Variants in SLC25A26 observed in about 807,000 individuals in gnomAD.
SLC25A26 encodes mitochondrial S-adenosylmethionine carrier protein.
SLC25A26 carries 36 observed loss-of-function variants against 37.8 expected under a neutral mutation model. That is an observed-to-expected ratio of 0.95 (90% CI 0.73 to 1.26). The LOEUF is 1.26. SLC25A26 is among the 50% of genes most tolerant of loss of function. The pLI is 0.00. For synonymous variants in SLC25A26, 129 were observed against 122.5 expected (o/e 1.05, Z -0.35); for missense variants, 390 against 331.1 (o/e 1.18, Z -1.38).
At chr3:66,251,238 G>C (rs2073072157) in intron 3 of SLC25A26, among the ~76,000 whole-genome samples, 1 of 152,120 alleles carries the variant, frequency 6.6e-6, no homozygotes, top group Non-Finnish European at 1.5e-5. Flanking sequence ...TTTTAAGAAA[G>C]TCCCCTGGCA....
At chr3:66,346,532 A>C (rs534679257) in intron 6 of SLC25A26, 124 bp downstream of exon 6, 2 of 483,258 alleles carry the variant, frequency 4.1e-6, no homozygotes, top group South Asian at 1.2e-4. Flanking sequence ...TAGCAGTTGA[A>C]AATATATTTT....
intron 1 of SLC25A26, among the ~76,000 whole-genome samples, chr3:66,206,672 T>C (rs1158325866): frequency 2.6e-5 from 4 of 151,908 alleles, no homozygotes; most frequent in African/African-American, 4.8e-5. Context: ...AGTTAACATA[T>C]TTGCATCGCT....
intron 1 of SLC25A26, among the ~76,000 whole-genome samples, chr3:66,206,895 T>TC (rs1491203663): frequency 7.4e-4 from 76 of 102,912 alleles, no homozygotes; most frequent in East Asian, 1.3e-3. Flanking sequence ...TCTTTCTTTC[T>TC]TTTTTTTTTT....
intron 5 of SLC25A26, among the ~76,000 whole-genome samples, chr3:66,335,318 A>C (rs1441793510): frequency 6.6e-6 from 1 of 152,236 alleles, no homozygotes; most frequent in African/African-American, 2.4e-5. Context: ...GTGACTTTAC[A>C]GAGTTGGGAA....
upstream of SLC25A26, among the ~76,000 whole-genome samples, chr3:66,218,471 G>T (rs1281816219): frequency 2.0e-5 from 3 of 152,182 alleles, no homozygotes; most frequent in Non-Finnish European, 4.4e-5. Context: ...ACTCTAGTGA[G>T]TTCTAGTGTA....
intron 1 of SLC25A26, among the ~76,000 whole-genome samples, chr3:66,209,898 T>TTATTTA (rs2071256959): frequency 5.7e-4 from 22 of 38,612 alleles, no homozygotes; most frequent in South Asian, 1.2e-3. Context: ...CTCTCTCTAT[T>TTATTTA]TATATATATA....
At chr3:66,376,067 AAATGG>A in intron 9 of SLC25A26, among the ~76,000 whole-genome samples, 1 of 149,246 alleles carries the variant, frequency 6.7e-6, no homozygotes, top group Non-Finnish European at 1.5e-5. Flanking sequence ...GATGTACTGG[AAATGG>A]CAAGACCACC....
chr3:66,220,790 G>T, upstream of SLC25A26: 1 of 489,058 alleles, frequency 2.0e-6, no homozygotes, highest in Non-Finnish European at 3.6e-6. Flanking sequence ...CCTGGATCTC[G>T]GCCACGGATC....
intron 1 of SLC25A26, among the ~76,000 whole-genome samples, chr3:66,214,315 G>A (rs2071329623): frequency 1.3e-5 from 2 of 152,272 alleles, no homozygotes; most frequent in South Asian, 2.1e-4. Context: ...TAGAAGCCAA[G>A]CAGATGCTGG....
chr3:66,226,786 A>AT (rs2071774610), intron 1 of SLC25A26, among the ~76,000 whole-genome samples: 2 of 113,608 alleles, frequency 1.8e-5, no homozygotes, highest in Non-Finnish European at 4.9e-5. Context: ...GTTTTTAGAA[A>AT]ATTTTTTTTG....
In SLC25A26 at chr3:66,209,061, TATATAC is replaced by T. The variant is rs1174388503; in HGVS notation, c.-353-11679_-353-11674del. Among the ~76,000 whole-genome samples, 48 of 26,984 alleles carry T rather than the reference TATATAC, an allele frequency of 1.8e-3. 3 individuals are homozygous for T. The highest frequency in any genetic ancestry group is 5.9e-3 in the African/African-American group (46 of 7,828). 17.7% of individuals were successfully genotyped at this position (26,984 alleles called of 152,430 possible). ...AGGTGTATATATATATATATATATA[TATATAC>T]ACACACACACCCATATAAAGATGTA... On this transcript the variant is annotated intron_variant, in intron 1 of 10. Transcript: ENST00000676754.
intron 9 of SLC25A26, among the ~76,000 whole-genome samples, chr3:66,377,468 T>TA (rs531753688): frequency 9.6e-4 from 145 of 151,736 alleles, no homozygotes; most frequent in South Asian, 9.3e-3. Flanking sequence ...AACACCTTTT[T>TA]AAAAAAAATC....
In SLC25A26 at chr3:66,215,191, A is replaced by G. The variant is rs1022743919; in HGVS notation, c.-353-5551A>G. Among the ~76,000 whole-genome samples, 4 of 152,238 alleles carry G rather than the reference A, an allele frequency of 2.6e-5. No individual in the cohort carries two copies. The East Asian group carries it at 7.7e-4, about 29-fold the overall frequency. ...TTTACCTTTTTGTTCTATTATTATT[A>G]TTAATTTTAAAATTTATTTTTATTT... On this transcript the variant is annotated intron_variant, in intron 1 of 10. Transcript: ENST00000676754.
chr3:66,221,979 C>A (rs782145112), intron 1 of SLC25A26, among the ~76,000 whole-genome samples: 7 of 151,776 alleles, frequency 4.6e-5, no homozygotes, highest in African/African-American at 9.7e-5. Context: ...ACAAGATAGA[C>A]CTGCTCCTAA....
chr3:66,311,387 C>T (rs568352177), intron 5 of SLC25A26, among the ~76,000 whole-genome samples: 1 of 152,056 alleles, frequency 6.6e-6, no homozygotes, highest in Admixed American at 6.6e-5. Context: ...GTTAGCTGTT[C>T]CTGTAACCTT....
intron 1 of SLC25A26, among the ~76,000 whole-genome samples, chr3:66,201,019 A>C (rs926383508): frequency 3.3e-5 from 5 of 152,192 alleles, no homozygotes; most frequent in Admixed American, 2.0e-4. Context: ...ATATTTCTGC[A>C]TGCAGCAATT....
At chr3:66,275,838 T>C (rs2074123956) in intron 5 of SLC25A26, among the ~76,000 whole-genome samples, 1 of 152,054 alleles carries the variant, frequency 6.6e-6, no homozygotes, top group Admixed American at 6.6e-5. Flanking sequence ...CACATGAAAA[T>C]AATAAAACTT....
At chr3:66,155,339 G>C (rs953356583) in intron 1 of SLC25A26, among the ~76,000 whole-genome samples, 1 of 152,026 alleles carries the variant, frequency 6.6e-6, no homozygotes, top group African/African-American at 2.4e-5. Context: ...GTGAGACCCT[G>C]TCTCTACATA....
At chr3:66,369,050 C>CAAAAAA (rs962307090) in intron 7 of SLC25A26, among the ~76,000 whole-genome samples, 1 of 18,716 alleles carries the variant, frequency 5.3e-5, no homozygotes, top group Non-Finnish European at 1.0e-4. Context: ...AAAACAAAAA[C>CAAAAAA]AAAAAAAAAA....
Sources: allele counts gnomAD v4.1 joint callset (sites outside exome capture counted in the v4.1 genomes callset), GRCh38; gene constraint gnomAD v4.1.1; transcripts MANE v1.5; gene names NCBI Gene and HGNC (gene_info 2026-07-23, HGNC 2026-07-21).